ANK3: variants seen among roughly 807,000 people sequenced by gnomAD.
ANK3 encodes ankyrin 3.
Under a neutral mutation model 370.9 loss-of-function variants are expected in ANK3, and 57 were observed. The observed-to-expected ratio is 0.15, with a 90% confidence interval of 0.12 to 0.19. The LOEUF is 0.19. ANK3 is among the 10% of genes least tolerant of loss of function. The pLI, the probability that ANK3 is intolerant of heterozygous loss-of-function variation, is 1.00. For missense variants in ANK3, 4,439 were observed against 5,302.1 expected, an observed-to-expected ratio of 0.84 and a Z score of 5.06; for synonymous variants, 1,929 against 1,946.3, an observed-to-expected ratio of 0.99 and a Z score of 0.23.
intron 28 of ANK3, among the ~76,000 whole-genome samples, chr10:60,096,710 A>C (rs2090198539): frequency 6.6e-6 from 1 of 152,158 alleles, no homozygotes; most frequent in South Asian, 2.1e-4. Flanking sequence ...AAAACATGAC[A>C]ACAGGACCCT....
At chr10:60,140,285 G>T in intron 23 of ANK3, 1 of 1,484,404 alleles carries the variant, frequency 6.7e-7, no homozygotes, top group Admixed American at 1.7e-5. Flanking sequence ...TTACGGCTGG[G>T]CTATTTGCAC....
chr10:60,674,658 G>A (rs1399385516), intron 1 of ANK3, among the ~76,000 whole-genome samples: 2 of 152,120 alleles, frequency 1.3e-5, no homozygotes, highest in African/African-American at 4.8e-5. Context: ...GTGTACCTAT[G>A]AAAATAATGC....
intron 28 of ANK3, among the ~76,000 whole-genome samples, chr10:60,092,231 TG>T (rs985802130): frequency 1.1e-4 from 17 of 152,106 alleles, no homozygotes; most frequent in Non-Finnish European, 2.2e-4. Flanking sequence ...CTTTGGGGGA[TG>T]GGGGGTTGTT....
chr10:60,707,586 A>G (rs1384895359), intron 1 of ANK3, among the ~76,000 whole-genome samples: 1 of 151,522 alleles, frequency 6.6e-6, no homozygotes, highest in African/African-American at 2.4e-5. Context: ...AGACATGATT[A>G]TAGATTTATA....
chr10:60,052,325 C>CTCA (rs1325159485), intron 42 of ANK3, among the ~76,000 whole-genome samples: 5 of 152,066 alleles, frequency 3.3e-5, no homozygotes, highest in African/African-American at 1.2e-4. Context: ...AAGACTCCGT[C>CTCA]TCAACAACAA....
At chr10:60,497,548 T>C (rs1217958739) in intron 2 of ANK3, among the ~76,000 whole-genome samples, 1 of 152,138 alleles carries the variant, frequency 6.6e-6, no homozygotes, top group Admixed American at 6.5e-5. Flanking sequence ...ATTCAACATA[T>C]ACATGATTGA....
chr10:60,113,577 G>A (rs1220937221), intron 26 of ANK3, among the ~76,000 whole-genome samples: 2 of 152,162 alleles, frequency 1.3e-5, no homozygotes, highest in East Asian at 1.9e-4. Context: ...GAGCATGGTG[G>A]TGCACACCTG....
intron 1 of ANK3, among the ~76,000 whole-genome samples, chr10:60,325,552 C>T (rs183278688): frequency 2.7e-4 from 41 of 152,298 alleles, no homozygotes; most frequent in African/African-American, 9.4e-4. Flanking sequence ...CCATTCCTGA[C>T]ACCTAAAATG....
rs531204944 is a variant in ANK3 at position 60,076,526 on chromosome 10, A to G, written c.4433-78T>C. The G allele has an allele frequency of 1.1e-4, 168 of 1,479,494 alleles. No homozygotes were observed. The African/African-American group carries it at 2.2e-3, about 20-fold the overall frequency. 91.6% of individuals were successfully genotyped at this position (1,479,494 alleles called of 1,614,324 possible). On this transcript the variant is annotated intron_variant, in intron 36 of 43. Transcript: ENST00000280772. ...TGAGAAACAGAGAGACCAGAGAAAA[A>G]AATTGGTCAGTAAACTTTGAAATAT...
At chr10:60,032,922 T>C (rs1259582133) in intron 43 of ANK3, among the ~76,000 whole-genome samples, 3 of 152,188 alleles carry the variant, frequency 2.0e-5, no homozygotes, top group Non-Finnish European at 4.4e-5. Flanking sequence ...ACTGTGTACT[T>C]GCTATAAAAA....
chr10:60,172,019 A>G (rs1264206873), intron 21 of ANK3, among the ~76,000 whole-genome samples: 1 of 152,226 alleles, frequency 6.6e-6, no homozygotes, highest in East Asian at 1.9e-4. Context: ...TTTCATTAAG[A>G]ACTTGTTATA....
intron 2 of ANK3, among the ~76,000 whole-genome samples, chr10:60,426,191 A>G (rs1190192936): frequency 2.0e-5 from 3 of 151,912 alleles, no homozygotes; most frequent in Non-Finnish European, 2.9e-5. Context: ...TCTCCCCTTG[A>G]TTCCTGCTTC....
At chr10:60,091,739 T>TG (rs1639959776) in intron 28 of ANK3, among the ~76,000 whole-genome samples, 1 of 151,624 alleles carries the variant, frequency 6.6e-6, no homozygotes, top group South Asian at 2.1e-4. Context: ...CATTTTTGTT[T>TG]TTTTTTTTTT....
intron 36 of ANK3, among the ~76,000 whole-genome samples, chr10:60,078,069 G>A (rs2084248445): frequency 6.6e-6 from 1 of 152,210 alleles, no homozygotes; most frequent in Non-Finnish European, 1.5e-5. Context: ...TACATCAAAG[G>A]TGAATACAGT....
Position 60,071,350 on chromosome 10 carries a change from C to A in ANK3, c.9531G>T (p.Val3177=), listed in dbSNP as rs775534668. The A allele has an allele frequency of 8.9e-5, 143 of 1,613,946 alleles. No homozygotes were observed. Among genetic ancestry groups the A allele is most frequent in the Non-Finnish European group, 1.2e-4 (143 of 1,180,002 alleles). The change falls in exon 37 of 44, where the codon GTG becomes GTT. Residue 3177 remains valine, a synonymous_variant. Coordinates refer to ENST00000280772, the MANE Select transcript of ANK3 (RefSeq NM_020987.5). ...LTPETPSSEE[V]SYEFTSKTPD... ...GTGTCTTAGATGTAAATTCATAACT[C>A]ACTTCCTCTGAACTGGGTGTTTCTG...
chr10:60,591,798 T>C (rs939470592), intron 2 of ANK3, among the ~76,000 whole-genome samples: 4 of 152,176 alleles, frequency 2.6e-5, no homozygotes. Flanking sequence ...TGGAGGTCAT[T>C]ATTTTAAGTG....
At position 60,586,853 on chromosome 10, in the gene ANK3, T is replaced by C. The variant is rs188786161; in HGVS notation, c.96+28333A>G. Among the ~76,000 whole-genome samples, 13 of 152,286 alleles carry C rather than the reference T, an allele frequency of 8.5e-5. No individual in the cohort carries two copies. In the East Asian group the frequency reaches 2.5e-3, roughly 29 times the overall value. On this transcript the variant is annotated intron_variant, in intron 2 of 43. Transcript: ENST00000373827. ...CCTTTTTGTATTTTTCCACTGAAAG[T>C]ACAGGATTCTGAGCCACTAGGGGTT...
intron 2 of ANK3, among the ~76,000 whole-genome samples, chr10:60,510,635 G>A (rs2076055262): frequency 6.6e-6 from 1 of 151,994 alleles, no homozygotes. Flanking sequence ...CCACAACATG[G>A]TGAAACCCTG....
intron 25 of ANK3, among the ~76,000 whole-genome samples, chr10:60,131,034 T>C (rs2094035319): frequency 6.6e-6 from 1 of 152,226 alleles, no homozygotes; most frequent in African/African-American, 2.4e-5. Flanking sequence ...GGCTGAACTA[T>C]TTGGAAATAA....
Sources: allele counts gnomAD v4.1 joint callset (sites outside exome capture counted in the v4.1 genomes callset), GRCh38; gene constraint gnomAD v4.1.1; transcripts MANE v1.5; gene names NCBI Gene and HGNC (gene_info 2026-07-23, HGNC 2026-07-21).